DPH6: variants seen among roughly 807,000 people sequenced by gnomAD.
DPH6 encodes the protein diphthamine biosynthesis 6.
A neutral mutation model predicts 38.2 loss-of-function variants in DPH6; 33 were observed. The observed-to-expected ratio is 0.86, with a 90% CI of 0.65 to 1.15. The LOEUF is 1.15. DPH6 is among the 50% of genes most tolerant of loss of function. DPH6 has a pLI of 0.00. For synonymous variants in DPH6, 108 were observed against 103.0 expected, an observed-to-expected ratio of 1.05 and a Z score of -0.30; for missense variants, 325 against 320.0, an observed-to-expected ratio of 1.02 and a Z score of -0.12.
At chr15:35,530,275 T>C (rs930143582) in intron 3 of DPH6, among the ~76,000 whole-genome samples, 1 of 151,668 alleles carries the variant, frequency 6.6e-6, no homozygotes, top group Non-Finnish European at 1.5e-5. Flanking sequence ...CTACAAAAGG[T>C]TTCTTTAAAA....
At chr15:35,263,991 G>C (rs1056762333) in intron 3 of DPH6, among the ~76,000 whole-genome samples, 11 of 152,076 alleles carry the variant, frequency 7.2e-5, no homozygotes, top group Non-Finnish European at 1.3e-4. Context: ...AGGATTACAG[G>C]CGTGAGCCAC....
the DPH6 span, among the ~76,000 whole-genome samples, chr15:35,162,416 C>G: frequency 6.6e-6 from 1 of 151,810 alleles, no homozygotes; most frequent in Non-Finnish European, 1.5e-5. Context: ...TTTCTCTGTT[C>G]TAGCTGCATT....
At chr15:35,464,713 G>T (rs1236007166) in intron 3 of DPH6, among the ~76,000 whole-genome samples, 1 of 152,146 alleles carries the variant, frequency 6.6e-6, no homozygotes, top group East Asian at 1.9e-4. Context: ...ATATGTCATA[G>T]TCCTATTCTA....
chr15:35,352,821 A>G (rs189487679), intron 3 of DPH6, among the ~76,000 whole-genome samples: 74 of 152,252 alleles, frequency 4.9e-4, no homozygotes, highest in African/African-American at 1.5e-3. Flanking sequence ...GGGTCAAATG[A>G]TATTTCTAGT....
intron 3 of DPH6, chr15:35,520,705 T>C (rs2054911882): frequency 2.0e-6 from 2 of 984,938 alleles, no homozygotes; most frequent in African/African-American, 1.7e-5. Context: ...TGTAGAAACA[T>C]GGACATTAGC....
At chr15:35,246,545 C>T (rs1458997789) in intron 3 of DPH6, among the ~76,000 whole-genome samples, 1 of 152,174 alleles carries the variant, frequency 6.6e-6, no homozygotes, top group Non-Finnish European at 1.5e-5. Context: ...CGCCAGACTG[C>T]AGTAAGCAAT....
chr15:35,489,278 A>T (rs1415379344), intron 3 of DPH6: 1 of 958,236 alleles, frequency 1.0e-6, no homozygotes, highest in Admixed American at 6.2e-5. Context: ...AAACCTGTCT[A>T]TTCAAAGAAA....
intron 7 of DPH6, among the ~76,000 whole-genome samples, chr15:35,376,201 AC>A (rs1170591057): frequency 1.3e-5 from 2 of 152,016 alleles, no homozygotes; most frequent in Non-Finnish European, 2.9e-5. Context: ...TCCCTGTTCT[AC>A]CCCACCCTGA....
intron 3 of DPH6, chr15:35,298,746 C>T (rs1595466607): frequency 6.5e-7 from 1 of 1,546,684 alleles, no homozygotes; most frequent in Non-Finnish European, 8.9e-7. Context: ...GCCACCGTGC[C>T]CCCCAAGTTA....
chr15:35,262,003 A>G (rs1038856357), intron 3 of DPH6, among the ~76,000 whole-genome samples: 12 of 152,190 alleles, frequency 7.9e-5, no homozygotes, highest in African/African-American at 2.9e-4. Context: ...GGGTGGAGAC[A>G]TACAAAAAAG....
chr15:35,521,809 T>C (rs1163191928), intron 3 of DPH6: 14 of 1,247,662 alleles, frequency 1.1e-5, no homozygotes, highest in African/African-American at 3.1e-5. Context: ...CTTAACTACA[T>C]TGGATAATAG....
chr15:35,275,619 G>C (rs886156769), intron 3 of DPH6, among the ~76,000 whole-genome samples: 1 of 151,638 alleles, frequency 6.6e-6, no homozygotes, highest in Non-Finnish European at 1.5e-5. Context: ...TTAAAACCTA[G>C]ATGATGGGTT....
intron 8 of DPH6, 43 bp from the exon 9 acceptor site, chr15:35,372,246 T>C: frequency 2.1e-6 from 3 of 1,410,196 alleles, no homozygotes; most frequent in Non-Finnish European, 2.8e-6. Context: ...ATGCACCATA[T>C]TTATTCAGTG....
chr15:35,450,835 G>A (rs750244410), intron 4 of DPH6, 32 bp from the exon 5 acceptor site: 7 of 1,520,534 alleles, frequency 4.6e-6, no homozygotes, highest in Non-Finnish European at 6.3e-6. Context: ...AAAGTCAGAT[G>A]ATCTCTTAAT....
chr15:35,538,607 A>C, intron 2 of DPH6, 140 bp from the exon 3 acceptor site: 1 of 693,156 alleles, frequency 1.4e-6, no homozygotes. Context: ...GCATTTATGT[A>C]GTAAAATAAA....
At chr15:35,387,521 G>A (rs1210732040) in intron 6 of DPH6, among the ~76,000 whole-genome samples, 2 of 152,108 alleles carry the variant, frequency 1.3e-5, no homozygotes, top group Admixed American at 1.3e-4. Flanking sequence ...ATTTCATTGA[G>A]CAGTAGTTTG....
chr15:35,489,859 G>A, intron 3 of DPH6: 1 of 968,876 alleles, frequency 1.0e-6, no homozygotes. Flanking sequence ...AGAGTTACCT[G>A]GATTATACAT....
chr15:35,389,267 G>T (rs2053017911), intron 6 of DPH6, among the ~76,000 whole-genome samples: 1 of 152,004 alleles, frequency 6.6e-6, no homozygotes, highest in Non-Finnish European at 1.5e-5. Flanking sequence ...CCAACTATGT[G>T]GTCAATTTTG....
chr15:35,411,448 AACACTGTATTTTT>A (rs1373441353), intron 5 of DPH6, among the ~76,000 whole-genome samples: 1 of 151,768 alleles, frequency 6.6e-6, no homozygotes, highest in African/African-American at 2.4e-5. Context: ...ACTCCTTCGC[AACACTGTATTTTT>A]CAAGTAAAGA....
Sources: allele counts gnomAD v4.1 joint callset (sites outside exome capture counted in the v4.1 genomes callset), GRCh38; gene constraint gnomAD v4.1.1; transcripts MANE v1.5; gene names NCBI Gene and HGNC (gene_info 2026-07-23, HGNC 2026-07-21).